SPECC1: variants seen among roughly 807,000 people sequenced by gnomAD.
SPECC1 encodes the protein cytospin-B.
Under a neutral mutation model 104.1 loss-of-function variants are expected in SPECC1, and 62 were observed. The observed-to-expected ratio is 0.60, with a 90% CI of 0.49 to 0.74. The LOEUF (loss-of-function observed/expected upper bound fraction) is 0.74. Among genes scored for constraint, SPECC1 ranks in the 30% least tolerant of loss-of-function variants. SPECC1 has a pLI of 0.00. For missense variants in SPECC1, 1,306 were observed against 1,310.5 expected (o/e 1.00, Z 0.05); for synonymous variants, 513 against 501.6 (o/e 1.02, Z -0.30).
intron 1 of SPECC1, among the ~76,000 whole-genome samples, chr17:20,059,943 T>C (rs2046122590): frequency 6.6e-6 from 1 of 152,212 alleles, no homozygotes; most frequent in Non-Finnish European, 1.5e-5. Context: ...CGGCAGCAAG[T>C]TGAAATTATC....
At chr17:20,209,898 C>T (rs976097202) in intron 4 of SPECC1, among the ~76,000 whole-genome samples, 6 of 152,186 alleles carry the variant, frequency 3.9e-5, no homozygotes, top group Admixed American at 1.3e-4. Context: ...AGAAAATTAT[C>T]TATTTATTCC....
At chr17:20,132,667 C>T (rs2049709410) in intron 3 of SPECC1, among the ~76,000 whole-genome samples, 1 of 151,050 alleles carries the variant, frequency 6.6e-6, no homozygotes, top group Non-Finnish European at 1.5e-5. Context: ...TTGTATTTTT[C>T]AAGCAGTTGG....
chr17:20,085,200 G>A (rs2047129480), intron 1 of SPECC1, among the ~76,000 whole-genome samples: 1 of 152,194 alleles, frequency 6.6e-6, no homozygotes, highest in African/African-American at 2.4e-5. Context: ...AAGGGAGCAG[G>A]GGCCTGAGCA....
At position 20,096,737 on chromosome 17, in the gene SPECC1, C is replaced by T; in HGVS notation, c.86C>T (p.Ser29Phe). ...CGGGTGCGGCCTCTGCCTGCAGCCT[C>T]TTCCGGCATGAAGAGTTCTAAGTCT... is the stretch of plus-strand genomic sequence containing the variant. ...PDRVRPLPAA[S>F]SGMKSSKSST... Residue 29 changes from serine to phenylalanine, a missense_variant, in exon 2 of 15, where the codon TCT (serine) becomes TTT (phenylalanine). Physicochemically the swap from Ser to Phe is radical, Grantham distance 155. Transcript: ENST00000395527. 2 of 1,614,238 alleles carry T rather than the reference C, an allele frequency of 1.2e-6. No homozygotes were observed. Among genetic ancestry groups the T allele is most frequent in the Middle Eastern group, 1.6e-4 (1 of 6,062 alleles).
chr17:20,209,231 C>G lies in SPECC1; in HGVS notation c.1863+3319C>G, dbSNP rs991537622. ...CTTCAGCAGGTATCGGAGTAACTGT[C>G]CTGTTGAGCACCAAGCAACAACGTG... On this transcript the variant is annotated intron_variant, in intron 4 of 14. Transcript: ENST00000395527. Among the ~76,000 whole-genome samples, 6 of 152,122 alleles carry G rather than the reference C, an allele frequency of 3.9e-5. No individual in the cohort carries two copies. The East Asian group carries it at 9.6e-4, about 24-fold the overall frequency.
intron 3 of SPECC1, among the ~76,000 whole-genome samples, chr17:20,196,588 C>A (rs1434240392): frequency 6.6e-5 from 10 of 152,216 alleles, no homozygotes; most frequent in African/African-American, 2.4e-4. Context: ...CTGAGACATT[C>A]TTGGACTTTC....
At chr17:20,107,066 T>C (rs2048239073) in intron 2 of SPECC1, among the ~76,000 whole-genome samples, 1 of 131,882 alleles carries the variant, frequency 7.6e-6, no homozygotes, top group South Asian at 2.3e-4. Context: ...AGGATGAGAA[T>C]CAGGAAGGCA....
At chr17:20,123,518 T>A (rs764527355) in intron 3 of SPECC1, among the ~76,000 whole-genome samples, 2 of 152,190 alleles carry the variant, frequency 1.3e-5, no homozygotes, top group South Asian at 4.1e-4. Context: ...ACCTGTCCTC[T>A]CTGACATGAG....
intron 1 of SPECC1, among the ~76,000 whole-genome samples, chr17:20,081,522 C>A (rs548700855): frequency 3.6e-3 from 551 of 152,046 alleles, no homozygotes; most frequent in Non-Finnish European, 6.4e-3. Context: ...ACACAGGGAC[C>A]GACTGGAGGG....
chr17:20,213,929 G>T (rs770646216), intron 4 of SPECC1, among the ~76,000 whole-genome samples: 4 of 151,976 alleles, frequency 2.6e-5, no homozygotes, highest in African/African-American at 7.3e-5. Context: ...TTTAAATCAC[G>T]TAAGTCTGTG....
At chr17:20,077,977 AAC>A (rs1237791731) in intron 1 of SPECC1, among the ~76,000 whole-genome samples, 1 of 151,780 alleles carries the variant, frequency 6.6e-6, no homozygotes, top group Non-Finnish European at 1.5e-5. Context: ...GCTAAATTAA[AAC>A]ACACACACAC....
At chr17:20,107,023 G>C (rs2048235228) in intron 2 of SPECC1, among the ~76,000 whole-genome samples, 1 of 151,256 alleles carries the variant, frequency 6.6e-6, no homozygotes, top group Admixed American at 6.6e-5. Context: ...CAGGTGTGGA[G>C]GCACACGCCT....
intron 1 of SPECC1, among the ~76,000 whole-genome samples, chr17:20,085,844 G>A (rs1378839963): frequency 6.6e-6 from 1 of 152,234 alleles, no homozygotes; most frequent in Non-Finnish European, 1.5e-5. Flanking sequence ...TTCAGTGGAG[G>A]GGATATCCAC....
rs200914041 is a variant in SPECC1, at chr17:20,110,545, G to T, written c.266G>T (p.Arg89Leu). 3 of 1,613,170 alleles carry T rather than the reference G, an allele frequency of 1.9e-6. No individual in the cohort carries two copies. The highest frequency in any genetic ancestry group is 1.3e-5 in the African/African-American group (1 of 74,916). Residue 89 changes from arginine to leucine, a missense_variant, in exon 3 of 15, where the codon CGC (arginine) becomes CTC (leucine). Arg to Leu is a moderately radical substitution (Grantham distance 102). Coordinates refer to ENST00000395527, the MANE Select transcript of SPECC1 (RefSeq NM_001243439.2). ...AGAISELTES[R>L]LRSGTGAFTT... ...GCCATCTCGGAGCTCACGGAGAGCC[G>T]CCTGAGGAGCGGCACAGGTAGGAGG...
chr17:20,016,017 T>A (rs1477183155), intron 1 of SPECC1, among the ~76,000 whole-genome samples: 1 of 150,396 alleles, frequency 6.6e-6, no homozygotes, highest in Non-Finnish European at 1.5e-5. Context: ...TGAGACCATC[T>A]GGCTAACATG....
intron 10 of SPECC1, among the ~76,000 whole-genome samples, chr17:20,254,218 A>C (rs1262035969): frequency 6.9e-6 from 1 of 145,920 alleles, no homozygotes; most frequent in Admixed American, 6.9e-5. Context: ...TGTAAAGTGG[A>C]GGTTGCATTC....
chr17:20,155,009 G>A (rs980701645), intron 3 of SPECC1, among the ~76,000 whole-genome samples: 1 of 152,198 alleles, frequency 6.6e-6, no homozygotes, highest in Non-Finnish European at 1.5e-5. Context: ...CAAGAAGGTA[G>A]TTGGACAAAT....
Position 20,247,211 on chromosome 17 carries a change from C to G in SPECC1, c.2498-8C>G. On this transcript the variant is annotated splice_polypyrimidine_tract_variant and splice_region_variant and intron_variant, in intron 8 of 14. Coordinates refer to ENST00000395527, the MANE Select transcript of SPECC1 (RefSeq NM_001243439.2). Reference sequence around the variant, plus strand: ...ACATATAAATGTTCCCATGTTTTTTCTTGGCAGGTGGAGCTGGACAGAATA... The same window carrying G: ...ACATATAAATGTTCCCATGTTTTTTGTTGGCAGGTGGAGCTGGACAGAATA... 6.2e-7 allele frequency: 1 copy of G among 1,601,800 alleles called. No homozygotes were observed. The highest frequency in any genetic ancestry group is 8.5e-7 in the Non-Finnish European group (1 of 1,173,904).
intron 3 of SPECC1, among the ~76,000 whole-genome samples, chr17:20,203,501 T>C (rs1364568631): frequency 6.6e-6 from 1 of 152,230 alleles, no homozygotes; most frequent in Non-Finnish European, 1.5e-5. Context: ...TCAAGTAACA[T>C]AGGTATGTTC....
Sources: gnomAD v4.1 joint callset for allele counts (sites outside exome capture counted in the v4.1 genomes callset) on GRCh38, gnomAD v4.1.1 for gene constraint, MANE v1.5 for transcripts, NCBI Gene and HGNC (gene_info 2026-07-23, HGNC 2026-07-21) for gene names.